The following SDK1 variants were observed in gnomAD, a reference collection of about 807,000 sequenced individuals.
SDK1 encodes sidekick cell adhesion molecule 1, also known as protein sidekick-1.
In SDK1, 157 loss-of-function variants were observed where a neutral mutation model predicts 245.5. The observed-to-expected ratio is 0.64, with a 90% CI of 0.56 to 0.73. The LOEUF is 0.73. Among genes scored for constraint, SDK1 ranks in the 30% least tolerant of loss-of-function variants. SDK1 has a pLI of 0.00. For missense variants in SDK1, 3,583 were observed against 3,002.3 expected, an observed-to-expected ratio of 1.19 and a Z score of -4.52; for synonymous variants, 1,647 against 1,278.5, an observed-to-expected ratio of 1.29 and a Z score of -6.15.
intron 4 of SDK1, among the ~76,000 whole-genome samples, chr7:3,744,855 C>T (rs184851832): frequency 7.9e-5 from 12 of 151,818 alleles, no homozygotes; most frequent in Non-Finnish European, 1.5e-4. Context: ...AAAAGAAAAA[C>T]AATTTAAAAA....
intron 1 of SDK1, among the ~76,000 whole-genome samples, chr7:3,361,544 C>A (rs531473072): frequency 4.9e-4 from 75 of 152,304 alleles, no homozygotes; most frequent in Non-Finnish European, 6.6e-4. Flanking sequence ...CCCTGTGATT[C>A]ACTCTATATT....
At chr7:4,103,257 C>G (rs991478411) in intron 22 of SDK1, among the ~76,000 whole-genome samples, 4 of 151,794 alleles carry the variant, frequency 2.6e-5, no homozygotes, top group Non-Finnish European at 5.9e-5. Context: ...TCTTCGGCCT[C>G]CCAAAGTGCT....
intron 1 of SDK1, among the ~76,000 whole-genome samples, chr7:3,585,108 G>C (rs1168367070): frequency 1.3e-5 from 2 of 152,026 alleles, no homozygotes; most frequent in South Asian, 2.1e-4. Context: ...CCCTAGTTTT[G>C]TACTTCCGAA....
At chr7:3,842,338 C>G (rs1404118607) in intron 5 of SDK1, among the ~76,000 whole-genome samples, 1 of 152,174 alleles carries the variant, frequency 6.6e-6, no homozygotes, top group African/African-American at 2.4e-5. Flanking sequence ...CAAGGGTGCC[C>G]TGGACCAACA....
At position 3,597,446 on chromosome 7, in the gene SDK1, G is replaced by C. The variant is rs114020019; in HGVS notation, c.299-21634G>C. Among the ~76,000 whole-genome samples the C allele has an allele frequency of 4.1e-3, 628 of 152,248 alleles. 4 individuals are homozygous for C. Among genetic ancestry groups the C allele is most frequent in the African/African-American group, 0.014 (585 of 41,546 alleles). On this transcript the variant is annotated intron_variant, in intron 1 of 44. Coordinates refer to ENST00000404826, the MANE Select transcript of SDK1 (RefSeq NM_152744.4). ...AATCCCACTGGGAAATAGCAGAACA[G>C]TGGGTTTTGTAAGATAGAAACAGGA...
chr7:3,520,642 T>C (rs143629574), intron 1 of SDK1, among the ~76,000 whole-genome samples: 2 of 148,888 alleles, frequency 1.3e-5, no homozygotes, highest in Non-Finnish European at 3.0e-5. Flanking sequence ...TTGGCTATGG[T>C]AATCTCTGCA....
At chr7:3,634,828 C>T (rs1364849336) in intron 2 of SDK1, among the ~76,000 whole-genome samples, 2 of 152,152 alleles carry the variant, frequency 1.3e-5, no homozygotes, top group Non-Finnish European at 2.9e-5. Context: ...GTCTCTATTT[C>T]TGCTTCTTGT....
In SDK1 at chr7:4,149,283, A is replaced by G; in HGVS notation, c.4445A>G (p.Glu1482Gly). ...GCAGAGCGGCCGGCACCCCCCAGAG[A>G]GCTCCTGGTGCCCCAGGCAGAAGTG... ...EKRERPAPPR[E>G]LLVPQAEVTA... is the part of the protein sequence containing the mutation. The change falls in exon 30 of 45, where the codon GAG becomes GGG. Residue 1482 changes from glutamate (E) to glycine (G), a missense_variant. Coordinates refer to ENST00000404826, the MANE Select transcript of SDK1 (RefSeq NM_152744.4). The G allele has an allele frequency of 6.5e-7, 1 of 1,545,426 alleles. No homozygotes were observed. Among genetic ancestry groups the G allele is most frequent in the Non-Finnish European group, 8.7e-7 (1 of 1,145,938 alleles).
chr7:3,973,376 A>G (rs35849438), intron 12 of SDK1, among the ~76,000 whole-genome samples: 2,103 of 152,334 alleles, frequency 0.014, 30 homozygotes, highest in Non-Finnish European at 0.02. Context: ...GAAAAACAGC[A>G]CTTTCATTCC....
intron 5 of SDK1, among the ~76,000 whole-genome samples, chr7:3,877,404 C>G (rs1298601261): frequency 1.3e-5 from 2 of 152,280 alleles, no homozygotes; most frequent in East Asian, 1.9e-4. Flanking sequence ...GTTAAACGTT[C>G]GACATCTCAA....
intron 4 of SDK1, among the ~76,000 whole-genome samples, chr7:3,695,347 G>A (rs1304898463): frequency 6.6e-6 from 1 of 152,112 alleles, no homozygotes; most frequent in East Asian, 1.9e-4. Context: ...GATGCTCATC[G>A]TAGTATACAA....
At position 4,241,779 on chromosome 7, in the gene SDK1, C is replaced by T. The variant is rs1261787896; in HGVS notation, c.6131-14C>T. On this transcript the variant is annotated splice_polypyrimidine_tract_variant and intron_variant, in intron 42 of 44. Transcript: ENST00000404826. ...CAGTAACACGTCTGTTCTCACTCTC[C>T]TGCTGGGCTTTAGGAAAGGGGATCT... The T allele has an allele frequency of 1.9e-6, 3 of 1,614,066 alleles. No individual in the cohort carries two copies. The highest frequency in any genetic ancestry group is 2.2e-5 in the South Asian group (2 of 91,082).
intron 37 of SDK1, among the ~76,000 whole-genome samples, chr7:4,209,342 C>T (rs1441943241): frequency 6.6e-6 from 1 of 152,148 alleles, no homozygotes; most frequent in Non-Finnish European, 1.5e-5. Flanking sequence ...GGCACCAGGG[C>T]GAGGAGAGTA....
At chr7:4,146,976 C>T (rs58437368) in intron 29 of SDK1, among the ~76,000 whole-genome samples, 9,012 of 152,248 alleles carry the variant, frequency 0.059, 611 homozygotes, top group South Asian at 0.16. Flanking sequence ...AGTGGGCGCC[C>T]TTCTCAGTGG....
chr7:4,177,912 A>G (rs866608072), intron 34 of SDK1, among the ~76,000 whole-genome samples: 1 of 152,158 alleles, frequency 6.6e-6, no homozygotes, highest in South Asian at 2.1e-4. Flanking sequence ...TTAGATTCTC[A>G]TAAGAGTGCA....
At chr7:4,216,804 G>A (rs1344154689) in intron 38 of SDK1, among the ~76,000 whole-genome samples, 4 of 152,152 alleles carry the variant, frequency 2.6e-5, no homozygotes, top group African/African-American at 9.7e-5. Context: ...CAAATAGAGG[G>A]TACAGCATTT....
intron 1 of SDK1, among the ~76,000 whole-genome samples, chr7:3,524,895 C>T: frequency 6.6e-6 from 1 of 151,966 alleles, no homozygotes; most frequent in Non-Finnish European, 1.5e-5. Context: ...ATCTGTAATC[C>T]CAGCAGAAAT....
chr7:3,757,075 GT>G (rs1405345095), intron 4 of SDK1, among the ~76,000 whole-genome samples: 4 of 152,024 alleles, frequency 2.6e-5, no homozygotes, highest in African/African-American at 9.7e-5. Context: ...CCAACTGGGT[GT>G]CCTGCAATTC....
intron 4 of SDK1, among the ~76,000 whole-genome samples, chr7:3,653,809 C>A (rs566871884): frequency 6.6e-6 from 1 of 152,078 alleles, no homozygotes; most frequent in Non-Finnish European, 1.5e-5. Context: ...GGCTGCAGGA[C>A]CTTGCAGCTT....
Sources: allele counts gnomAD v4.1 joint callset (sites outside exome capture counted in the v4.1 genomes callset), GRCh38; gene constraint gnomAD v4.1.1; transcripts MANE v1.5; gene names NCBI Gene and HGNC (gene_info 2026-07-23, HGNC 2026-07-21).